GCNT2: variants seen among roughly 807,000 people sequenced by gnomAD.
GCNT2 encodes N-acetyllactosaminide beta-1,6-N-acetylglucosaminyl-transferase.
Under a neutral mutation model 34.2 loss-of-function variants are expected in GCNT2, and 34 were observed. The ratio of observed to expected loss-of-function variants is 1.00; its 90% CI spans 0.76 to 1.32. The LOEUF is 1.32. Ranked by LOEUF, GCNT2 falls within the 40% of genes most tolerant of loss-of-function variation. The probability of loss-of-function intolerance (pLI) is 0.00; values close to 1 mark genes in which losing one functional copy is unlikely to be tolerated. For missense variants in GCNT2, 584 were observed against 489.4 expected (o/e 1.19, Z -1.82); for synonymous variants, 212 against 188.0 (o/e 1.13, Z -1.04).
At chr6:10,598,367 C>T (rs1764945624) in intron 3 of GCNT2, among the ~76,000 whole-genome samples, 2 of 152,334 alleles carry the variant, frequency 1.3e-5, no homozygotes, top group East Asian at 1.9e-4. Flanking sequence ...ACCTCCATCT[C>T]TCCCCCTTCT....
At chr6:10,562,683 A>C (rs570862646) in intron 3 of GCNT2, among the ~76,000 whole-genome samples, 11 of 150,566 alleles carry the variant, frequency 7.3e-5, no homozygotes, top group South Asian at 2.2e-4. Context: ...AAAAACAAAA[A>C]AAAACCCACA....
rs1761360244 is a variant in GCNT2, at chr6:10,529,337, GT to G, written c.428del (p.Leu143TyrfsTer29). The stretch of plus-strand genomic sequence containing the variant: ...ATGCCTTTAAAGGTGCAGTGAAACA[GT>G]TACTCAGCTGCTTCCCAAATGCTTT... ...TDAFKGAVKQLLSCFPNAFLA... is the reference protein window; with the variant it reads ...TDAFKGAVKQXLSCFPNAFLA... On this transcript the variant is annotated frameshift_variant, in exon 3 of 5. Transcript: ENST00000495262. LOFTEE classifies it high-confidence loss of function. The G allele has an allele frequency of 3.7e-6, 6 of 1,614,034 alleles. No homozygotes were observed. In the East Asian group the frequency reaches 1.3e-4, roughly 36 times the overall value.
intron 3 of GCNT2, among the ~76,000 whole-genome samples, chr6:10,534,949 T>G (rs9466610): frequency 0.04 from 6,019 of 152,180 alleles, 384 homozygotes; most frequent in African/African-American, 0.14. Flanking sequence ...TTTGGGAAGC[T>G]GAGGTGGGCG....
intron 3 of GCNT2, among the ~76,000 whole-genome samples, chr6:10,549,052 C>T (rs1762379148): frequency 6.6e-6 from 1 of 152,260 alleles, no homozygotes; most frequent in South Asian, 2.1e-4. Context: ...CCACCGCGCC[C>T]AGCGTGAAGA....
chr6:10,613,884 A>G (rs1261791126), intron 3 of GCNT2, among the ~76,000 whole-genome samples: 1 of 152,132 alleles, frequency 6.6e-6, no homozygotes, highest in African/African-American at 2.4e-5. Flanking sequence ...TGGAATGAGA[A>G]CGGAAGTTCC....
chr6:10,549,903 A>G (rs1715720360), intron 3 of GCNT2, among the ~76,000 whole-genome samples: 1 of 152,122 alleles, frequency 6.6e-6, no homozygotes, highest in Non-Finnish European at 1.5e-5. Flanking sequence ...TCTCTCATTT[A>G]AATATAAGCA....
At chr6:10,552,775 A>G (rs943077413) in intron 3 of GCNT2, among the ~76,000 whole-genome samples, 26 of 152,144 alleles carry the variant, frequency 1.7e-4, no homozygotes, top group Admixed American at 5.2e-4. Flanking sequence ...CTACTTTTTC[A>G]TGTATTACTC....
intron 3 of GCNT2, among the ~76,000 whole-genome samples, chr6:10,548,702 G>A (rs1186686451): frequency 6.6e-6 from 1 of 151,880 alleles, no homozygotes; most frequent in Non-Finnish European, 1.5e-5. Context: ...CCGTTTTGTT[G>A]CAGGCAGTTG....
At chr6:10,580,342 C>T (rs1370273403) in intron 3 of GCNT2, among the ~76,000 whole-genome samples, 1 of 152,190 alleles carries the variant, frequency 6.6e-6, no homozygotes, top group Admixed American at 6.5e-5. Context: ...ATGTCTGCTG[C>T]CCTCTGTGAA....
chr6:10,538,441 T>C (rs529630948), intron 3 of GCNT2, among the ~76,000 whole-genome samples: 3 of 118,718 alleles, frequency 2.5e-5, no homozygotes, highest in South Asian at 2.6e-4. Context: ...AAAAAAAATA[T>C]ATATATATAT....
intron 3 of GCNT2, among the ~76,000 whole-genome samples, chr6:10,572,421 C>T (rs1028014898): frequency 1.3e-5 from 2 of 152,088 alleles, no homozygotes; most frequent in Admixed American, 1.3e-4. Flanking sequence ...TTAAGGATGT[C>T]ATCTAAAAGG....
chr6:10,617,775 C>A (rs2182045), intron 3 of GCNT2, among the ~76,000 whole-genome samples: 1 of 128,064 alleles, frequency 7.8e-6, no homozygotes. Flanking sequence ...TTTTTTTTGA[C>A]ACAGGGTCTC....
chr6:10,548,314 G>A (rs764321305), intron 3 of GCNT2, among the ~76,000 whole-genome samples: 38 of 152,298 alleles, frequency 2.5e-4, no homozygotes, highest in Admixed American at 1.5e-3. Flanking sequence ...AAGCAGATCT[G>A]GGCACTGACA....
At chr6:10,566,141 C>T (rs7767886) in intron 3 of GCNT2, among the ~76,000 whole-genome samples, 7,343 of 151,914 alleles carry the variant, frequency 0.048, 539 homozygotes, top group African/African-American at 0.16. Context: ...GGGAGGCTCC[C>T]GGATGCTCTT....
intron 3 of GCNT2, among the ~76,000 whole-genome samples, chr6:10,538,425 A>T (rs1193318580): frequency 6.9e-5 from 9 of 129,838 alleles, no homozygotes; most frequent in African/African-American, 2.7e-4. Flanking sequence ...AAAAAAAAAA[A>T]AAAAAAAAAA....
At chr6:10,560,249 C>T (rs1762914347) in intron 3 of GCNT2, among the ~76,000 whole-genome samples, 1 of 151,940 alleles carries the variant, frequency 6.6e-6, no homozygotes, top group South Asian at 2.1e-4. Flanking sequence ...CCATCACGCC[C>T]GGTTAATTTT....
intron 2 of GCNT2, 89 bp from the exon 3 acceptor site, chr6:10,528,542 T>TG: frequency 3.0e-6 from 1 of 333,916 alleles, no homozygotes; most frequent in Non-Finnish European, 5.7e-6. Flanking sequence ...ACTTGCAGAA[T>TG]GGTCACCTCA....
chr6:10,538,996 G>A (rs1343378979), intron 3 of GCNT2, among the ~76,000 whole-genome samples: 1 of 152,078 alleles, frequency 6.6e-6, no homozygotes. Flanking sequence ...GGCCCAGCTG[G>A]AGTATAGTCA....
intron 3 of GCNT2, chr6:10,575,042 T>C (rs1016449868): frequency 1.6e-6 from 1 of 627,956 alleles, no homozygotes; most frequent in Non-Finnish European, 3.0e-6. Context: ...CTGCAGACTC[T>C]TCCCATTTAG....
Sources: allele counts gnomAD v4.1 joint callset (sites outside exome capture counted in the v4.1 genomes callset), GRCh38; gene constraint gnomAD v4.1.1; transcripts MANE v1.5; gene names NCBI Gene and HGNC (gene_info 2026-07-23, HGNC 2026-07-21).